The following DPYD variants were observed in gnomAD, a reference collection of about 807,000 sequenced individuals.
The protein encoded by DPYD is dihydropyrimidine dehydrogenase [NADP(+)].
In DPYD, 109 loss-of-function variants were observed where a neutral mutation model predicts 116.2. The ratio of observed to expected loss-of-function variants is 0.94; its 90% CI spans 0.80 to 1.10. The LOEUF is 1.10. Among genes scored for constraint, DPYD ranks in the 50% least tolerant of loss-of-function variants. The pLI is 0.00. For synonymous variants in DPYD, 440 were observed against 432.0 expected (o/e 1.02, Z -0.23); for missense variants, 1,302 against 1,254.5 (o/e 1.04, Z -0.57).
At chr1:97,793,539 A>C in intron 3 of DPYD, among the ~76,000 whole-genome samples, 1 of 152,224 alleles carries the variant, frequency 6.6e-6, no homozygotes, top group Non-Finnish European at 1.5e-5. Flanking sequence ...GTCCAGAAAG[A>C]GACCCACAAA....
At chr1:97,802,645 G>T (rs1667898118) in intron 3 of DPYD, among the ~76,000 whole-genome samples, 1 of 151,810 alleles carries the variant, frequency 6.6e-6, no homozygotes, top group East Asian at 1.9e-4. Flanking sequence ...TGACTTTTGA[G>T]ATCTTATCCT....
At chr1:97,210,646 T>G (rs1375785621) in intron 19 of DPYD, among the ~76,000 whole-genome samples, 3 of 152,178 alleles carry the variant, frequency 2.0e-5, no homozygotes, top group Non-Finnish European at 4.4e-5. Context: ...TTATCTGCAT[T>G]GGCTTGTACA....
chr1:97,848,254 C>T (rs891626278), intron 2 of DPYD, among the ~76,000 whole-genome samples: 6 of 152,216 alleles, frequency 3.9e-5, no homozygotes, highest in Non-Finnish European at 5.9e-5. Flanking sequence ...CCTGCCACCA[C>T]GGCCGGCTAA....
At chr1:97,689,707 G>A (rs1252929483) in intron 7 of DPYD, among the ~76,000 whole-genome samples, 2 of 151,984 alleles carry the variant, frequency 1.3e-5, no homozygotes, top group African/African-American at 4.8e-5. Flanking sequence ...GAACCTCCGT[G>A]ATGACTTTTC....
Position 97,734,717 on chromosome 1 carries a change from G to GT in DPYD, c.321+5674dup, listed in dbSNP as rs1255225025. Among the ~76,000 whole-genome samples the GT allele has an allele frequency of 2.6e-5, 4 of 152,310 alleles. No individual in the cohort carries two copies. In the East Asian group the frequency reaches 7.7e-4, roughly 29 times the overall value. The stretch of plus-strand genomic sequence containing the variant: ...TCCAAGGACTGAAAATAACAAGGCA[G>GT]TAAGTAGACCAGAGAAATCAGTGGG... On this transcript the variant is annotated intron_variant, in intron 4 of 22. Transcript: ENST00000370192.
intron 5 of DPYD, among the ~76,000 whole-genome samples, chr1:97,714,655 C>CAAAAAAAAAA (rs1193831747): frequency 4.0e-5 from 2 of 49,924 alleles, no homozygotes; most frequent in Non-Finnish European, 8.3e-5. Context: ...AAAGAAAAGA[C>CAAAAAAAAAA]AAAAAAAAAA....
chr1:97,353,373 C>G (rs1185454625), intron 16 of DPYD, among the ~76,000 whole-genome samples: 2 of 152,080 alleles, frequency 1.3e-5, no homozygotes, highest in African/African-American at 4.8e-5. Flanking sequence ...GGATGGCGCT[C>G]TGCATATTTA....
intron 14 of DPYD, among the ~76,000 whole-genome samples, chr1:97,422,243 T>C: frequency 6.6e-6 from 1 of 152,206 alleles, no homozygotes; most frequent in Non-Finnish European, 1.5e-5. Context: ...TTAGAAAATG[T>C]GCATTTCAAA....
At chr1:97,316,073 C>T (rs529549117) in intron 16 of DPYD, among the ~76,000 whole-genome samples, 2 of 152,060 alleles carry the variant, frequency 1.3e-5, no homozygotes, top group African/African-American at 4.8e-5. Flanking sequence ...GGACATGATG[C>T]CTTTGTGTCC....
chr1:97,163,136 C>A (rs1319093146), intron 20 of DPYD, among the ~76,000 whole-genome samples: 1 of 151,822 alleles, frequency 6.6e-6, no homozygotes, highest in African/African-American at 2.4e-5. Flanking sequence ...CAAATGGGAT[C>A]TAATTAAACT....
At chr1:97,697,622 T>G (rs1302265338) in intron 6 of DPYD, among the ~76,000 whole-genome samples, 1 of 151,968 alleles carries the variant, frequency 6.6e-6, no homozygotes, top group Non-Finnish European at 1.5e-5. Context: ...AAGAAAGAAT[T>G]TAACAACTTT....
intron 18 of DPYD, among the ~76,000 whole-genome samples, chr1:97,248,682 A>C (rs1252108678): frequency 1.3e-5 from 2 of 152,208 alleles, no homozygotes; most frequent in Non-Finnish European, 2.9e-5. Flanking sequence ...TGTAAGCAAA[A>C]CAAGGGTGAG....
intron 12 of DPYD, among the ~76,000 whole-genome samples, chr1:97,542,009 A>G (rs1489531747): frequency 6.6e-6 from 1 of 152,200 alleles, no homozygotes; most frequent in Non-Finnish European, 1.5e-5. Context: ...AATGACACTT[A>G]AGAAGGGAAT....
At position 97,234,799 on chromosome 1, in the gene DPYD, T is replaced by C. The variant is rs1395949586; in HGVS notation, c.2442+53A>G. 1.1e-5 allele frequency: 18 copies of C among 1,608,744 alleles called. No homozygotes were observed. In the Admixed American group the frequency reaches 1.3e-4, roughly 12 times the overall value. The stretch of plus-strand genomic sequence containing the variant: ...TTTTTTTTTTGTCACATAACTTACA[T>C]TGCATTTGTGAGATGGAGATTTTTA... On this transcript the variant is annotated intron_variant, in intron 19 of 22. Transcript: ENST00000370192.
At chr1:97,217,682 A>G (rs1004331748) in intron 19 of DPYD, among the ~76,000 whole-genome samples, 4 of 152,022 alleles carry the variant, frequency 2.6e-5, no homozygotes, top group African/African-American at 7.2e-5. Context: ...CTAGAATTAT[A>G]TAAGTCTGGT....
At chr1:97,835,253 C>A (rs1451014245) in intron 2 of DPYD, among the ~76,000 whole-genome samples, 1 of 152,044 alleles carries the variant, frequency 6.6e-6, no homozygotes, top group African/African-American at 2.4e-5. Context: ...ACATCTCAAT[C>A]TGCAAATAGT....
intron 1 of DPYD, among the ~76,000 whole-genome samples, chr1:97,916,626 G>A (rs1485322495): frequency 6.6e-6 from 1 of 152,094 alleles, no homozygotes; most frequent in South Asian, 2.1e-4. Context: ...TTAAGATTAA[G>A]CAGATCCAAT....
intron 2 of DPYD, among the ~76,000 whole-genome samples, chr1:97,828,906 A>G (rs1465944694): frequency 1.3e-5 from 2 of 152,006 alleles, no homozygotes; most frequent in African/African-American, 4.8e-5. Flanking sequence ...TTGGTAAAAT[A>G]GCAATACTAG....
intron 10 of DPYD, among the ~76,000 whole-genome samples, chr1:97,588,466 T>C (rs1276567489): frequency 6.6e-6 from 1 of 152,220 alleles, no homozygotes; most frequent in Non-Finnish European, 1.5e-5. Context: ...TTATCAACTC[T>C]AGCAGGTCTG....
Sources: allele counts gnomAD v4.1 joint callset (sites outside exome capture counted in the v4.1 genomes callset), GRCh38; gene constraint gnomAD v4.1.1; transcripts MANE v1.5; gene names NCBI Gene and HGNC (gene_info 2026-07-23, HGNC 2026-07-21).